Variants in NXPE2 observed in about 807,000 individuals in gnomAD.
NXPE2 encodes neurexophilin and PC-esterase domain family member 2, also known as NXPE family member 2.
NXPE2 carries 34 observed loss-of-function variants against 34.4 expected under a neutral mutation model. The ratio of observed to expected loss-of-function variants is 0.99; its 90% CI spans 0.75 to 1.31. The LOEUF is 1.31. NXPE2 is among the 40% of genes most tolerant of loss of function. NXPE2 has a pLI of 0.00. For synonymous variants in NXPE2, 235 were observed against 231.3 expected (o/e 1.02, Z -0.15); for missense variants, 649 against 672.5 (o/e 0.97, Z 0.39).
the NXPE2 span, among the ~76,000 whole-genome samples, chr11:114,797,446 G>A: frequency 6.6e-6 from 1 of 152,150 alleles, no homozygotes; most frequent in African/African-American, 2.4e-5. Flanking sequence ...TCAAGGAGAT[G>A]CTTAAATAAG....
chr11:114,508,779 C>T, the NXPE2 span, among the ~76,000 whole-genome samples: 1 of 151,974 alleles, frequency 6.6e-6, no homozygotes, highest in East Asian at 1.9e-4. Flanking sequence ...ATGTAAAACC[C>T]CAAACTATAA....
At chr11:114,614,750 T>C in the NXPE2 span, among the ~76,000 whole-genome samples, 1 of 151,360 alleles carries the variant, frequency 6.6e-6, no homozygotes, top group Admixed American at 6.6e-5. Context: ...TGTTACCCAG[T>C]GGATAATAAG....
At chr11:114,598,525 A>AT in the NXPE2 span, among the ~76,000 whole-genome samples, 1 of 152,192 alleles carries the variant, frequency 6.6e-6, no homozygotes, top group Non-Finnish European at 1.5e-5. Context: ...AGGCTTTTCC[A>AT]TACATCCTCT....
chr11:114,640,580 A>G, the NXPE2 span, among the ~76,000 whole-genome samples: 15 of 152,060 alleles, frequency 9.9e-5, no homozygotes, highest in Non-Finnish European at 1.6e-4. Flanking sequence ...CCCACAATGC[A>G]TAAGTGTTCC....
chr11:114,532,625 A>G, the NXPE2 span, among the ~76,000 whole-genome samples: 11 of 152,174 alleles, frequency 7.2e-5, no homozygotes, highest in Non-Finnish European at 1.3e-4. Flanking sequence ...TATATTTTAT[A>G]CTAAAACTAG....
At chr11:114,472,303 A>T in the NXPE2 span, among the ~76,000 whole-genome samples, 1 of 152,174 alleles carries the variant, frequency 6.6e-6, no homozygotes, top group African/African-American at 2.4e-5. Flanking sequence ...GGGGTGTTTA[A>T]TCTTTTGGCT....
rs112829027 is a variant in NXPE2, at chr11:114,698,723, A to G, written c.811A>G (p.Thr271Ala). 0.013 allele frequency: 20,425 copies of G among 1,609,728 alleles called. 158 individuals carry two copies. The highest frequency in any genetic ancestry group is 0.015 in the Non-Finnish European group (17,837 of 1,178,038). The change falls in exon 3 of 6, where the codon ACT (threonine) becomes GCT (alanine). Residue 271 changes from threonine (T) to alanine (A), a missense_variant. Physicochemically the swap from Thr to Ala is moderately conservative, Grantham distance 58. Coordinates refer to ENST00000389586, the MANE Select transcript of NXPE2 (RefSeq NM_182495.6). The part of the protein sequence containing the change: ...MPCEALTHMT[T>A]RTRNISYLSK... ...CTGTGAGGCCTTGACCCACATGACC[A>G]CTAGGACAAGAAATATTTCCTATCT...
At chr11:114,638,822 G>C in the NXPE2 span, among the ~76,000 whole-genome samples, 1 of 152,062 alleles carries the variant, frequency 6.6e-6, no homozygotes, top group South Asian at 2.1e-4. Flanking sequence ...TGTTCCTCTG[G>C]AAGTTTTGTC....
chr11:114,758,775 A>G, the NXPE2 span, among the ~76,000 whole-genome samples: 1 of 149,116 alleles, frequency 6.7e-6, no homozygotes, highest in African/African-American at 2.4e-5. Flanking sequence ...ATATATTTTC[A>G]TATTTGTATT....
At chr11:114,531,372 T>C in the NXPE2 span, among the ~76,000 whole-genome samples, 1 of 152,158 alleles carries the variant, frequency 6.6e-6, no homozygotes, top group African/African-American at 2.4e-5. Context: ...TCCAGCTGTA[T>C]CACAGTTCAA....
the NXPE2 span, among the ~76,000 whole-genome samples, chr11:114,664,150 C>T: frequency 6.6e-6 from 1 of 152,128 alleles, no homozygotes; most frequent in Non-Finnish European, 1.5e-5. Context: ...ATTAAACAAG[C>T]TGGGATATAT....
At chr11:114,725,434 C>G in the NXPE2 span, among the ~76,000 whole-genome samples, 1 of 152,052 alleles carries the variant, frequency 6.6e-6, no homozygotes, top group South Asian at 2.1e-4. Flanking sequence ...GACCCCAAGC[C>G]CAACACACTC....
the NXPE2 span, chr11:114,594,782 A>G: frequency 1.3e-5 from 16 of 1,244,404 alleles, no homozygotes; most frequent in African/African-American, 2.4e-4. Context: ...ACAAGAGACA[A>G]TACAAAAACA....
the NXPE2 span, among the ~76,000 whole-genome samples, chr11:114,791,010 CAG>C: frequency 1.3e-3 from 194 of 151,254 alleles, no homozygotes; most frequent in Admixed American, 4.3e-3. Flanking sequence ...AAGGGGAAGG[CAG>C]AGAGAGTTTC....
the NXPE2 span, among the ~76,000 whole-genome samples, chr11:114,558,543 G>C: frequency 6.6e-6 from 1 of 152,100 alleles, no homozygotes; most frequent in Non-Finnish European, 1.5e-5. Flanking sequence ...AATGGAAGTT[G>C]AGTTATTGAC....
the NXPE2 span, among the ~76,000 whole-genome samples, chr11:114,557,218 G>A: frequency 0.21 from 32,534 of 151,956 alleles, 4,718 homozygotes; most frequent in African/African-American, 0.4. Flanking sequence ...TTGTGTATTA[G>A]TCAAAAACTC....
At chr11:114,642,418 C>T in the NXPE2 span, among the ~76,000 whole-genome samples, 1 of 151,948 alleles carries the variant, frequency 6.6e-6, no homozygotes, top group Non-Finnish European at 1.5e-5. Flanking sequence ...TGCTATCCCT[C>T]CCCACTCCCC....
At chr11:114,716,365 A>T in the NXPE2 span, among the ~76,000 whole-genome samples, 1,801 of 152,272 alleles carry the variant, frequency 0.012, 36 homozygotes, top group African/African-American at 0.04. Flanking sequence ...CTCCATGGAG[A>T]TCACTCCATT....
At chr11:114,638,128 C>A in the NXPE2 span, among the ~76,000 whole-genome samples, 1 of 151,678 alleles carries the variant, frequency 6.6e-6, no homozygotes, top group Non-Finnish European at 1.5e-5. Context: ...GGTCTTGTCA[C>A]ATAGTCCCAT....
Sources: gnomAD v4.1 joint callset for allele counts (sites outside exome capture counted in the v4.1 genomes callset) on GRCh38, gnomAD v4.1.1 for gene constraint, MANE v1.5 for transcripts, NCBI Gene and HGNC (gene_info 2026-07-23, HGNC 2026-07-21) for gene names.